NAALADL2: variants seen among roughly 807,000 people sequenced by gnomAD.
NAALADL2 encodes the protein N-acetylated alpha-linked acidic dipeptidase like 2.
In NAALADL2, 76 loss-of-function variants were observed where a neutral mutation model predicts 87.2. The ratio of observed to expected loss-of-function variants is 0.87; its 90% CI spans 0.72 to 1.05. NAALADL2 has a LOEUF of 1.05. Among genes scored for constraint, NAALADL2 ranks in the 50% least tolerant of loss-of-function variants. The pLI is 0.00. For synonymous variants in NAALADL2, 354 were observed against 331.0 expected (o/e 1.07, Z -0.75); for missense variants, 1,089 against 945.8 (o/e 1.15, Z -1.99).
chr3:175,659,432 A>G (rs1731952018), intron 11 of NAALADL2, among the ~76,000 whole-genome samples: 1 of 152,156 alleles, frequency 6.6e-6, no homozygotes. Flanking sequence ...TACTCTATAA[A>G]GTGTTCATTA....
At chr3:175,405,352 G>T (rs1297452927) in intron 5 of NAALADL2, among the ~76,000 whole-genome samples, 1 of 151,978 alleles carries the variant, frequency 6.6e-6, no homozygotes, top group Non-Finnish European at 1.5e-5. Context: ...CAAAGAAAGT[G>T]CCATGTATAC....
intron 3 of NAALADL2, among the ~76,000 whole-genome samples, chr3:174,787,606 T>TATACATATATATATACAC (rs1553855461): frequency 9.5e-6 from 1 of 104,830 alleles, no homozygotes; most frequent in African/African-American, 3.2e-5. Context: ...TATATATATA[T>TATACATATATATATACAC]ATATATATAT....
chr3:174,552,922 C>T (rs1296418425), intron 2 of NAALADL2, among the ~76,000 whole-genome samples: 6 of 151,138 alleles, frequency 4.0e-5, no homozygotes, highest in African/African-American at 1.5e-4. Flanking sequence ...TTAGTTGAGG[C>T]ACCAGTGGGG....
chr3:175,123,619 C>T (rs957165538), intron 2 of NAALADL2, among the ~76,000 whole-genome samples: 5 of 151,874 alleles, frequency 3.3e-5, no homozygotes, highest in Admixed American at 6.6e-5. Context: ...TGCACCCTAC[C>T]GTTTACTTTC....
chr3:175,306,891 T>C (rs1407325687), intron 4 of NAALADL2, among the ~76,000 whole-genome samples: 1 of 152,114 alleles, frequency 6.6e-6, no homozygotes, highest in Admixed American at 6.5e-5. Context: ...TCCAAGTTTG[T>C]ATCCATGGAA....
intron 2 of NAALADL2, among the ~76,000 whole-genome samples, chr3:175,165,501 T>A (rs1733860682): frequency 6.6e-6 from 1 of 152,136 alleles, no homozygotes; most frequent in Non-Finnish European, 1.5e-5. Flanking sequence ...GTTAATAAAA[T>A]CATGGACTTA....
intron 9 of NAALADL2, among the ~76,000 whole-genome samples, chr3:175,531,502 G>T (rs1241489010): frequency 1.3e-5 from 2 of 152,206 alleles, no homozygotes; most frequent in Non-Finnish European, 2.9e-5. Flanking sequence ...CATGTCATCA[G>T]TGTAATGGAC....
At chr3:174,658,473 T>A (rs564709838) in intron 2 of NAALADL2, among the ~76,000 whole-genome samples, 1 of 152,292 alleles carries the variant, frequency 6.6e-6, no homozygotes, top group African/African-American at 2.4e-5. Flanking sequence ...GGGTTTTTTA[T>A]TATTGAGTTT....
At chr3:174,866,191 G>T (rs1053748508) in intron 1 of NAALADL2, among the ~76,000 whole-genome samples, 1 of 151,842 alleles carries the variant, frequency 6.6e-6, no homozygotes, top group African/African-American at 2.4e-5. Context: ...TTCTATAGAG[G>T]ATAAGAGACA....
At chr3:175,559,751 A>C (rs987091372) in intron 9 of NAALADL2, among the ~76,000 whole-genome samples, 1 of 152,234 alleles carries the variant, frequency 6.6e-6, no homozygotes, top group Non-Finnish European at 1.5e-5. Flanking sequence ...ACTGATTTGC[A>C]TATGTTGCAC....
chr3:174,643,610 T>A (rs1199549898), intron 2 of NAALADL2, among the ~76,000 whole-genome samples: 1 of 152,096 alleles, frequency 6.6e-6, no homozygotes, highest in African/African-American at 2.4e-5. Context: ...GCCGAGATTA[T>A]GCCACTGCAC....
chr3:174,611,626 C>T (rs560439734), intron 2 of NAALADL2, among the ~76,000 whole-genome samples: 1 of 152,192 alleles, frequency 6.6e-6, no homozygotes, highest in African/African-American at 2.4e-5. Context: ...GAGTCTTGCT[C>T]CATCACCCAG....
At chr3:175,023,832 G>C (rs542534684) in intron 1 of NAALADL2, among the ~76,000 whole-genome samples, 2 of 152,014 alleles carry the variant, frequency 1.3e-5, no homozygotes, top group African/African-American at 4.8e-5. Flanking sequence ...TGAGATGTCT[G>C]TTTGGGCTCC....
intron 1 of NAALADL2, among the ~76,000 whole-genome samples, chr3:174,875,112 CAAAAAAAAAAAAAA>C (rs10547300): frequency 2.4e-5 from 1 of 41,524 alleles, no homozygotes; most frequent in Admixed American, 4.7e-4. Flanking sequence ...GACCCTGTCT[CAAAAAAAAAAAAAA>C]AAAAAAAAAA....
intron 2 of NAALADL2, among the ~76,000 whole-genome samples, chr3:174,698,795 C>T (rs1729266830): frequency 1.8e-5 from 2 of 109,044 alleles, no homozygotes; most frequent in Admixed American, 2.0e-4. Flanking sequence ...ACCCGGGAGG[C>T]GGAGCTTGCA....
intron 2 of NAALADL2, among the ~76,000 whole-genome samples, chr3:174,665,984 C>G (rs886618758): frequency 3.9e-5 from 6 of 152,156 alleles, no homozygotes; most frequent in Non-Finnish European, 7.3e-5. Flanking sequence ...TTAGGGTCCA[C>G]CCTAATCCAG....
intron 5 of NAALADL2, among the ~76,000 whole-genome samples, chr3:175,380,823 C>T (rs913459408): frequency 6.6e-6 from 1 of 151,966 alleles, no homozygotes. Flanking sequence ...ACAGAGTATA[C>T]GAACTCTGTG....
At chr3:175,221,236 T>C (rs1467998632) in intron 2 of NAALADL2, among the ~76,000 whole-genome samples, 1 of 152,044 alleles carries the variant, frequency 6.6e-6, no homozygotes, top group Admixed American at 6.6e-5. Context: ...GTATTCTATT[T>C]CACCATAGAC....
At chr3:174,955,309 T>A (rs1579708384) in intron 1 of NAALADL2, among the ~76,000 whole-genome samples, 1 of 152,242 alleles carries the variant, frequency 6.6e-6, no homozygotes, top group East Asian at 1.9e-4. Flanking sequence ...TCTTTCACAT[T>A]CAGTGCAAAA....
Sources: gnomAD v4.1 joint callset for allele counts (sites outside exome capture counted in the v4.1 genomes callset) on GRCh38, gnomAD v4.1.1 for gene constraint, MANE v1.5 for transcripts, NCBI Gene and HGNC (gene_info 2026-07-23, HGNC 2026-07-21) for gene names.